KIF16B: variants seen among roughly 807,000 people sequenced by gnomAD.
KIF16B encodes the protein kinesin family member 16B.
KIF16B carries 98 observed loss-of-function variants against 156.3 expected under a neutral mutation model. The ratio of observed to expected loss-of-function variants is 0.63; its 90% CI spans 0.53 to 0.74. The LOEUF (loss-of-function observed/expected upper bound fraction) is 0.74, where lower values mean the gene tolerates loss of function less well. KIF16B is among the 30% of genes least tolerant of loss of function. KIF16B has a pLI of 0.00. For missense variants in KIF16B, 1,421 were observed against 1,606.5 expected (o/e 0.88, Z 1.97); for synonymous variants, 564 against 583.7 (o/e 0.97, Z 0.49).
chr20:16,406,569 A>G, intron 15 of KIF16B, 113 bp from the exon 16 acceptor site: 3 of 945,680 alleles, frequency 3.2e-6, no homozygotes, highest in Non-Finnish European at 4.9e-6. Flanking sequence ...TTATAAAATA[A>G]TAAGGGAAAG....
chr20:16,558,002 T>C (rs2070914601), intron 1 of KIF16B, among the ~76,000 whole-genome samples: 1 of 152,046 alleles, frequency 6.6e-6, no homozygotes, highest in African/African-American at 2.4e-5. Flanking sequence ...TGATAAGTGC[T>C]GTAAACGAGG....
chr20:16,326,491 C>T (rs953022440), intron 24 of KIF16B, among the ~76,000 whole-genome samples: 1 of 151,236 alleles, frequency 6.6e-6, no homozygotes, highest in African/African-American at 2.4e-5. Context: ...CAAATAATCC[C>T]ATCAAAAAGT....
intron 14 of KIF16B, 75 bp from the exon 15 acceptor site, chr20:16,427,316 A>C (rs2066382972): frequency 1.5e-6 from 2 of 1,293,362 alleles, no homozygotes; most frequent in Non-Finnish European, 1.1e-6. Context: ...TTTATCTATA[A>C]ATTTATTTAT....
rs367929822 is a variant in KIF16B at position 16,287,340 on chromosome 20, T to G, written c.3796-13929A>C. Among the ~76,000 whole-genome samples, 120 of 152,340 alleles carry G rather than the reference T, an allele frequency of 7.9e-4. 2 individuals carry two copies. In the South Asian group the frequency reaches 0.019, roughly 24 times the overall value. On this transcript the variant is annotated intron_variant, in intron 25 of 25. Transcript: ENST00000354981. Reference sequence around the variant, plus strand: ...AGGTATTTCTTTGCTATGAGCTACTTTTGCTATACTAAGTTTTAAAGTAAA... The same window carrying G: ...AGGTATTTCTTTGCTATGAGCTACTGTTGCTATACTAAGTTTTAAAGTAAA...
chr20:16,311,991 T>C (rs748132565), intron 25 of KIF16B, among the ~76,000 whole-genome samples: 3 of 152,232 alleles, frequency 2.0e-5, no homozygotes, highest in Non-Finnish European at 4.4e-5. Context: ...AGTTAATTAA[T>C]TCCAAGTTTT....
At chr20:16,568,780 A>T (rs911090671) in intron 1 of KIF16B, among the ~76,000 whole-genome samples, 2 of 125,564 alleles carry the variant, frequency 1.6e-5, no homozygotes, top group Non-Finnish European at 3.1e-5. Flanking sequence ...ACTCTGCGCC[A>T]CTGCACTCTA....
chr20:16,567,465 T>C lies in KIF16B; in HGVS notation c.47+5764A>G, dbSNP rs1046252947. 4.6e-5 allele frequency among the ~76,000 whole-genome samples: 7 copies of C among 152,184 alleles called. No homozygotes were observed. In the East Asian group the frequency reaches 1.3e-3, roughly 29 times the overall value. ...ATTGTTATTTTTGTGTGTTGTGTAT[T>C]CTCTGATCGGCATTTCCCTGAGGCC... On this transcript the variant is annotated intron_variant, in intron 1 of 25. Transcript: ENST00000354981.
At chr20:16,474,534 T>C (rs925437742) in intron 12 of KIF16B, among the ~76,000 whole-genome samples, 5 of 152,214 alleles carry the variant, frequency 3.3e-5, no homozygotes, top group African/African-American at 9.6e-5. Flanking sequence ...CTAGCCTTCC[T>C]TGCAAGCAAG....
Position 16,494,076 on chromosome 20 carries a change from C to A in KIF16B, c.1302+215G>T, listed in dbSNP as rs532865912. The stretch of plus-strand genomic sequence containing the variant: ...ATCTTAAATATCAATATAACCTGTA[C>A]ATATTAAAACACACAGCTATAATAT... On this transcript the variant is annotated intron_variant, in intron 12 of 25. Transcript: ENST00000354981. 3.3e-5 allele frequency among the ~76,000 whole-genome samples: 5 copies of A among 152,208 alleles called. No individual in the cohort carries two copies. The South Asian group carries it at 1.0e-3, about 32-fold the overall frequency.
intron 1 of KIF16B, among the ~76,000 whole-genome samples, chr20:16,566,736 G>A (rs2071269911): frequency 6.6e-6 from 1 of 152,234 alleles, no homozygotes; most frequent in Admixed American, 6.5e-5. Context: ...TGCTGCACAA[G>A]AGAATTTTCC....
At chr20:16,402,316 A>G (rs1264794845) in intron 17 of KIF16B, among the ~76,000 whole-genome samples, 4 of 152,136 alleles carry the variant, frequency 2.6e-5, no homozygotes, top group Non-Finnish European at 5.9e-5. Context: ...TTATTTTTAA[A>G]TTATCTGTTG....
chr20:16,466,091 A>G (rs948904687), intron 12 of KIF16B, among the ~76,000 whole-genome samples: 17 of 152,252 alleles, frequency 1.1e-4, no homozygotes, highest in Non-Finnish European at 2.2e-4. Context: ...GCTCATTTGT[A>G]TTGAAATATA....
chr20:16,368,099 T>C, intron 22 of KIF16B: 2 of 1,291,726 alleles, frequency 1.5e-6, no homozygotes. Flanking sequence ...TCCTTCATGT[T>C]GCCCAAAGGT....
At chr20:16,484,213 A>G (rs2068056849) in intron 12 of KIF16B, among the ~76,000 whole-genome samples, 2 of 152,362 alleles carry the variant, frequency 1.3e-5, no homozygotes, top group Admixed American at 1.3e-4. Flanking sequence ...AGTAAGAACC[A>G]GCATATACTT....
At chr20:16,491,924 G>C (rs2068305711) in intron 12 of KIF16B, among the ~76,000 whole-genome samples, 1 of 152,200 alleles carries the variant, frequency 6.6e-6, no homozygotes, top group African/African-American at 2.4e-5. Flanking sequence ...CAAGAGCTTA[G>C]GATCTGGTGA....
intron 17 of KIF16B, chr20:16,382,041 C>A: frequency 9.1e-7 from 1 of 1,098,188 alleles, no homozygotes; most frequent in Non-Finnish European, 1.2e-6. Context: ...AAATGATAAG[C>A]ACGTCTACTC....
chr20:16,322,799 T>A lies in KIF16B; in HGVS notation c.3712-10381A>T, dbSNP rs140118175. Reference sequence around the variant, plus strand: ...GTAATGGAAAAATGTAATGGAAAAGTTTCCTGTTTTTGAAAGCCTTTTCTC... The same window carrying A: ...GTAATGGAAAAATGTAATGGAAAAGATTCCTGTTTTTGAAAGCCTTTTCTC... On this transcript the variant is annotated intron_variant, in intron 24 of 25. Transcript: ENST00000354981. Among the ~76,000 whole-genome samples, 738 of 152,086 alleles carry A rather than the reference T, an allele frequency of 4.9e-3. 9 individuals are homozygous for A. The highest frequency in any genetic ancestry group is 0.016 in the African/African-American group (682 of 41,530).
Position 16,273,309 on chromosome 20 carries a change from A to G in KIF16B, c.3898T>C (p.Phe1300Leu), listed in dbSNP as rs535116130. The G allele has an allele frequency of 6.2e-6, 10 of 1,613,736 alleles. No individual in the cohort carries two copies. The African/African-American group carries it at 1.2e-4, about 19-fold the overall frequency. The change falls in exon 26 of 26, where the codon TTT (phenylalanine) becomes CTT (leucine). Residue 1300 changes from phenylalanine (F) to leucine (L), a missense_variant. Phe to Leu is a conservative substitution (Grantham distance 22). Coordinates refer to ENST00000354981, the MANE Select transcript of KIF16B (RefSeq NM_024704.5). ...ACTCCTTTCTTGAAGAATGGTGAAA[A>G]CTCACAAATGGTATGTTTCGAGAGA... Reference protein sequence around the residue: ...LTLSKHTICEFSPFFKKGVFD... With the variant: ...LTLSKHTICELSPFFKKGVFD...
At chr20:16,359,756 G>A (rs773306847) in intron 22 of KIF16B, among the ~76,000 whole-genome samples, 11 of 151,358 alleles carry the variant, frequency 7.3e-5, no homozygotes, top group Non-Finnish European at 1.5e-4. Flanking sequence ...ATAATATTAC[G>A]TAGCCTACCT....
Sources: allele counts gnomAD v4.1 joint callset (sites outside exome capture counted in the v4.1 genomes callset), GRCh38; gene constraint gnomAD v4.1.1; transcripts MANE v1.5; gene names NCBI Gene and HGNC (gene_info 2026-07-23, HGNC 2026-07-21).